MAD1L1: variants seen among roughly 807,000 people sequenced by gnomAD.
The protein encoded by MAD1L1 is mitotic spindle assembly checkpoint protein MAD1.
MAD1L1 carries 95 observed loss-of-function variants against 96.9 expected under a neutral mutation model. The observed-to-expected ratio is 0.98, with a 90% CI of 0.83 to 1.16. The LOEUF (loss-of-function observed/expected upper bound fraction) is 1.16, where lower values mean the gene tolerates loss of function less well. MAD1L1 is among the 50% of genes most tolerant of loss of function. The pLI is 0.00. For synonymous variants in MAD1L1, 473 were observed against 396.6 expected, an observed-to-expected ratio of 1.19 and a Z score of -2.29; for missense variants, 1,007 against 954.4, an observed-to-expected ratio of 1.06 and a Z score of -0.73.
chr7:1,944,999 G>A (rs1205020874), intron 16 of MAD1L1, among the ~76,000 whole-genome samples: 3 of 152,276 alleles, frequency 2.0e-5, no homozygotes, highest in Middle Eastern at 3.4e-3. Flanking sequence ...AGAGGGAGAC[G>A]GGTACGGGCA....
intron 6 of MAD1L1, 83 bp downstream of exon 6, chr7:2,219,249 C>T: frequency 7.5e-7 from 1 of 1,324,774 alleles, no homozygotes; most frequent in Non-Finnish European, 1.0e-6. Context: ...GTATCCACAT[C>T]CCACCCAGCC....
At position 2,103,976 on chromosome 7, in the gene MAD1L1, G is replaced by T. The variant is rs544206428; in HGVS notation, c.1074-34638C>A. Among the ~76,000 whole-genome samples, 7 of 152,334 alleles carry T rather than the reference G, an allele frequency of 4.6e-5. No homozygotes were observed. The highest frequency in any genetic ancestry group is 2.1e-4 in the South Asian group (1 of 4,824). On this transcript the variant is annotated intron_variant, in intron 11 of 18. Coordinates refer to ENST00000265854, the MANE Select transcript of MAD1L1 (RefSeq NM_001013836.2). The surrounding 1 kb of genome is among the most constrained non-coding windows in gnomAD (Gnocchi z 4.3). ...ATGGCAGAGAATCAAATATGCAGCCGGTGTCTGGAAATCATTCAATGAAGG... is the reference window on the plus strand; with the variant it reads ...ATGGCAGAGAATCAAATATGCAGCCTGTGTCTGGAAATCATTCAATGAAGG...
chr7:1,948,454 G>A (rs1200198334), intron 16 of MAD1L1, among the ~76,000 whole-genome samples: 4 of 152,238 alleles, frequency 2.6e-5, no homozygotes, highest in Non-Finnish European at 5.9e-5. Flanking sequence ...GAGCCAGCAC[G>A]TCTGCCAAAC....
At chr7:2,196,274 T>C (rs769563815) in intron 10 of MAD1L1, among the ~76,000 whole-genome samples, 21 of 152,196 alleles carry the variant, frequency 1.4e-4, no homozygotes, top group Non-Finnish European at 2.8e-4. Context: ...AACAGTGCCA[T>C]CCTGCCAGCA....
intron 18 of MAD1L1, among the ~76,000 whole-genome samples, chr7:1,867,312 A>G (rs1329214452): frequency 6.6e-6 from 1 of 151,836 alleles, no homozygotes; most frequent in Non-Finnish European, 1.5e-5. Flanking sequence ...GAAGTGTGGG[A>G]CAAGGAAGAG....
At chr7:1,825,989 G>C (rs1782372169) in intron 18 of MAD1L1, among the ~76,000 whole-genome samples, 1 of 152,204 alleles carries the variant, frequency 6.6e-6, no homozygotes, top group African/African-American at 2.4e-5. Flanking sequence ...CGCGGCCCCA[G>C]CTTGGCTTCA....
rs78964131 is a variant in MAD1L1, at chr7:1,922,479, G to C, written c.1807+14208C>G. ...GACACACGGACATATTTCTCATAAA[G>C]TGAGCTCAGCAAGGTTGCAGGATAC... On this transcript the variant is annotated intron_variant, in intron 17 of 18. Transcript: ENST00000265854. 3.2e-4 allele frequency among the ~76,000 whole-genome samples: 48 copies of C among 152,316 alleles called. 1 individual carries two copies. The East Asian group carries it at 8.7e-3, about 28-fold the overall frequency.
intron 18 of MAD1L1, among the ~76,000 whole-genome samples, chr7:1,820,440 G>A (rs1250632772): frequency 6.6e-6 from 1 of 152,054 alleles, no homozygotes; most frequent in East Asian, 1.9e-4. Flanking sequence ...GAAAACAAAA[G>A]TTATTAAAAC....
At chr7:1,970,562 G>A (rs1362567320) in intron 15 of MAD1L1, among the ~76,000 whole-genome samples, 1 of 152,086 alleles carries the variant, frequency 6.6e-6, no homozygotes, top group African/African-American at 2.4e-5. Flanking sequence ...TCAATCTCCT[G>A]ACCTCAGGTG....
chr7:2,174,513 G>C (rs1790856866), intron 10 of MAD1L1, among the ~76,000 whole-genome samples: 1 of 152,102 alleles, frequency 6.6e-6, no homozygotes, highest in South Asian at 2.1e-4. Context: ...TCATTATGCT[G>C]TCCTCCCCGC....
chr7:1,816,827 G>A (rs1016787596), intron 18 of MAD1L1, among the ~76,000 whole-genome samples: 19 of 151,912 alleles, frequency 1.3e-4, no homozygotes, highest in African/African-American at 4.4e-4. Flanking sequence ...GCTGTGCCAC[G>A]GTCCTGGGCT....
intron 14 of MAD1L1, among the ~76,000 whole-genome samples, chr7:1,984,392 T>A (rs1781053625): frequency 6.6e-6 from 1 of 152,260 alleles, no homozygotes; most frequent in Admixed American, 6.5e-5. Flanking sequence ...AACATGAGTA[T>A]ATTCTCTAAT....
chr7:2,063,406 T>C (rs1026449086), intron 12 of MAD1L1, among the ~76,000 whole-genome samples: 1 of 152,216 alleles, frequency 6.6e-6, no homozygotes, highest in Non-Finnish European at 1.5e-5. Context: ...AGCCAGTGAC[T>C]TGAAGTGGCA....
intron 17 of MAD1L1, among the ~76,000 whole-genome samples, chr7:1,931,345 G>A (rs1469739217): frequency 6.6e-6 from 1 of 152,242 alleles, no homozygotes; most frequent in African/African-American, 2.4e-5. Context: ...AGAATGGGGA[G>A]GGGACAGCCC....
At chr7:2,044,735 T>G (rs1006294190) in intron 12 of MAD1L1, among the ~76,000 whole-genome samples, 3 of 152,146 alleles carry the variant, frequency 2.0e-5, no homozygotes, top group African/African-American at 7.2e-5. Flanking sequence ...TTTGTGAGAT[T>G]CAGTGAGGAT....
chr7:2,100,864 C>T (rs1412502929), intron 11 of MAD1L1, among the ~76,000 whole-genome samples: 1 of 152,264 alleles, frequency 6.6e-6, no homozygotes, highest in East Asian at 1.9e-4. Context: ...TCCAGCATGA[C>T]TCCTGTCGGG....
chr7:1,980,738 ATTT>A, intron 14 of MAD1L1, 197 bp from the exon 15 acceptor site: 1 of 689,314 alleles, frequency 1.5e-6, no homozygotes, highest in Non-Finnish European at 2.7e-6. Context: ...AAGTTCTCTC[ATTT>A]TTTTGTCACT....
chr7:2,215,309 C>T (rs1793206198), intron 9 of MAD1L1, among the ~76,000 whole-genome samples: 1 of 136,702 alleles, frequency 7.3e-6, no homozygotes, highest in Admixed American at 8.3e-5. Flanking sequence ...ACCCGGGAGG[C>T]GGAGGTTGCA....
intron 18 of MAD1L1, among the ~76,000 whole-genome samples, chr7:1,858,945 C>A (rs1784387801): frequency 6.6e-6 from 1 of 152,208 alleles, no homozygotes; most frequent in African/African-American, 2.4e-5. Context: ...ACCACCACGC[C>A]TTTCCACTGA....
Sources: allele counts gnomAD v4.1 joint callset (sites outside exome capture counted in the v4.1 genomes callset), GRCh38; gene constraint gnomAD v4.1.1; non-coding constraint Gnocchi (gnomAD v3.1); transcripts MANE v1.5; gene names NCBI Gene and HGNC (gene_info 2026-07-23, HGNC 2026-07-21).